The following ADAMTS16 variants were observed in gnomAD, a reference collection of about 807,000 sequenced individuals.
ADAMTS16 encodes the protein A disintegrin and metalloproteinase with thrombospondin motifs 16.
In ADAMTS16, 94 loss-of-function variants were observed where a neutral mutation model predicts 145.8. That is an observed-to-expected ratio of 0.64 (90% CI 0.55 to 0.77). The LOEUF is 0.77. ADAMTS16 is among the 30% of genes least tolerant of loss of function. The pLI, the probability that ADAMTS16 is intolerant of heterozygous loss-of-function variation, is 0.00. For synonymous variants in ADAMTS16, 659 were observed against 604.3 expected, an observed-to-expected ratio of 1.09 and a Z score of -1.33; for missense variants, 1,585 against 1,591.5, an observed-to-expected ratio of 1.00 and a Z score of 0.07.
intron 14 of ADAMTS16, 130 bp from the exon 15 acceptor site, chr5:5,239,021 T>A: frequency 2.0e-6 from 2 of 1,012,932 alleles, no homozygotes; most frequent in Non-Finnish European, 2.7e-6. Flanking sequence ...CAATAAATAT[T>A]TGTTAACTAC....
chr5:5,221,542 A>T (rs1736606630), intron 10 of ADAMTS16, among the ~76,000 whole-genome samples: 2 of 152,228 alleles, frequency 1.3e-5, no homozygotes, highest in African/African-American at 4.8e-5. Context: ...TGAGATTTTA[A>T]ACCACAGCGC....
At chr5:5,146,040 A>G (rs1056363466) in intron 2 of ADAMTS16, 90 bp from the exon 3 acceptor site, 32 of 1,127,910 alleles carry the variant, frequency 2.8e-5, no homozygotes, top group Non-Finnish European at 3.5e-5. Flanking sequence ...TGGAAAGGTC[A>G]TGTGGTAAAA....
chr5:5,256,522 A>G (rs1293608069), intron 17 of ADAMTS16, among the ~76,000 whole-genome samples: 1 of 152,238 alleles, frequency 6.6e-6, no homozygotes, highest in Non-Finnish European at 1.5e-5. Context: ...CTGTTATCCA[A>G]TTAACAGGTA....
intron 18 of ADAMTS16, among the ~76,000 whole-genome samples, chr5:5,283,410 G>GTTT (rs1358828794): frequency 4.6e-5 from 7 of 152,112 alleles, no homozygotes; most frequent in African/African-American, 1.7e-4. Context: ...TGACAAATGT[G>GTTT]TTTTTTAAAG....
intron 17 of ADAMTS16, among the ~76,000 whole-genome samples, chr5:5,244,892 T>G (rs984309227): frequency 2.0e-5 from 3 of 152,198 alleles, no homozygotes; most frequent in Non-Finnish European, 4.4e-5. Context: ...TCTTCTTCAG[T>G]TCTGGTATTC....
At chr5:5,205,696 G>A (rs1736086157) in intron 9 of ADAMTS16, among the ~76,000 whole-genome samples, 1 of 152,172 alleles carries the variant, frequency 6.6e-6, no homozygotes, top group Non-Finnish European at 1.5e-5. Flanking sequence ...GACATATGAT[G>A]TTGAGATCTT....
chr5:5,167,686 G>A (rs569833303), intron 3 of ADAMTS16, among the ~76,000 whole-genome samples: 2 of 152,272 alleles, frequency 1.3e-5, no homozygotes, highest in Admixed American at 6.5e-5. Flanking sequence ...TTTGTCTAGC[G>A]AATTAGCCTT....
intron 18 of ADAMTS16, among the ~76,000 whole-genome samples, chr5:5,301,676 G>A (rs765945054): frequency 3.3e-5 from 5 of 152,200 alleles, no homozygotes; most frequent in Non-Finnish European, 5.9e-5. Context: ...ACCTGAGGGT[G>A]ACTGTGGGGT....
intron 12 of ADAMTS16, among the ~76,000 whole-genome samples, chr5:5,233,432 T>C (rs1392147751): frequency 6.6e-6 from 1 of 152,212 alleles, no homozygotes; most frequent in Admixed American, 6.5e-5. Context: ...GATTATTTCA[T>C]CGCCCAGGTA....
chr5:5,303,544 G>T (rs1440794545), intron 19 of ADAMTS16, 28 bp from the exon 20 acceptor site: 1 of 1,609,952 alleles, frequency 6.2e-7, no homozygotes, highest in African/African-American at 1.3e-5. Context: ...GGCCCTCACT[G>T]GGTGCTTATC....
chr5:5,153,688 T>C (rs1734529188), intron 3 of ADAMTS16, among the ~76,000 whole-genome samples: 1 of 152,174 alleles, frequency 6.6e-6, no homozygotes, highest in Admixed American at 6.5e-5. Context: ...TTGCATATGA[T>C]GGGAATAGAT....
chr5:5,191,200 A>G (rs1225261821), intron 7 of ADAMTS16, among the ~76,000 whole-genome samples: 1 of 152,166 alleles, frequency 6.6e-6, no homozygotes, highest in Non-Finnish European at 1.5e-5. Flanking sequence ...CTTTTGCCAT[A>G]TTAAATAATA....
chr5:5,239,143 C>T lies in ADAMTS16; in HGVS notation c.2155-8C>T. 3.9e-6 allele frequency: 6 copies of T among 1,523,466 alleles called. No homozygotes were observed. Among genetic ancestry groups the T allele is most frequent in the Non-Finnish European group, 4.4e-6 (5 of 1,137,286 alleles). 94.4% of individuals were successfully genotyped at this position (1,523,466 alleles called of 1,614,324 possible). On this transcript the variant is annotated splice_region_variant and splice_polypyrimidine_tract_variant and intron_variant, in intron 14 of 22. Coordinates refer to ENST00000274181, the MANE Select transcript of ADAMTS16 (RefSeq NM_139056.4). ...CATGAATGACATGTGACCTCATGGGCCCTCCAGAGAGTTGGATGTGACAAT... is the reference window on the plus strand; with the variant it reads ...CATGAATGACATGTGACCTCATGGGTCCTCCAGAGAGTTGGATGTGACAAT...
At position 5,214,312 on chromosome 5, in the gene ADAMTS16, A is replaced by G. The variant is rs138755730; in HGVS notation, c.1605+5066A>G. On this transcript the variant is annotated intron_variant, in intron 10 of 22. Coordinates refer to ENST00000274181, the MANE Select transcript of ADAMTS16 (RefSeq NM_139056.4). ...AAGTATCTTTTAAAATTGAAAAAAC[A>G]GTACATCTATTAAAATCACATAATG... Among the ~76,000 whole-genome samples the G allele has an allele frequency of 6.2e-3, 948 of 152,364 alleles. 5 individuals carry two copies. Among genetic ancestry groups the G allele is most frequent in the African/African-American group, 0.021 (874 of 41,576 alleles).
chr5:5,225,304 A>G (rs1736728789), intron 11 of ADAMTS16, among the ~76,000 whole-genome samples: 1 of 152,142 alleles, frequency 6.6e-6, no homozygotes, highest in Non-Finnish European at 1.5e-5. Flanking sequence ...TGACTTCAGT[A>G]TATAAAGAGG....
At chr5:5,290,455 G>C (rs1310227994) in intron 18 of ADAMTS16, among the ~76,000 whole-genome samples, 2 of 152,110 alleles carry the variant, frequency 1.3e-5, no homozygotes, top group Non-Finnish European at 2.9e-5. Flanking sequence ...AGGAGTTTGA[G>C]GCTAGCCTGA....
At chr5:5,305,640 T>A (rs1358628385) in intron 20 of ADAMTS16, among the ~76,000 whole-genome samples, 1 of 152,174 alleles carries the variant, frequency 6.6e-6, no homozygotes, top group Non-Finnish European at 1.5e-5. Context: ...TCGATCAGGA[T>A]GCACAAAAAG....
intron 21 of ADAMTS16, among the ~76,000 whole-genome samples, chr5:5,308,844 G>A (rs1454000715): frequency 6.6e-6 from 1 of 151,914 alleles, no homozygotes; most frequent in East Asian, 1.9e-4. Flanking sequence ...CAGCTACTCA[G>A]GAGGCTGAAA....
At chr5:5,309,439 T>C (rs1740323750) in intron 21 of ADAMTS16, among the ~76,000 whole-genome samples, 1 of 152,202 alleles carries the variant, frequency 6.6e-6, no homozygotes, top group Non-Finnish European at 1.5e-5. Flanking sequence ...ATACCATATA[T>C]ATGCCAGCCA....
Sources: gnomAD v4.1 joint callset for allele counts (sites outside exome capture counted in the v4.1 genomes callset) on GRCh38, gnomAD v4.1.1 for gene constraint, MANE v1.5 for transcripts, NCBI Gene and HGNC (gene_info 2026-07-23, HGNC 2026-07-21) for gene names.